Variants in PRKAG2 observed in about 807,000 individuals in gnomAD.
The protein encoded by PRKAG2 is 5'-AMP-activated protein kinase subunit gamma-2.
PRKAG2 carries 26 observed loss-of-function variants against 69.6 expected under a neutral mutation model. That is an observed-to-expected ratio of 0.37 (90% CI 0.27 to 0.52). The LOEUF (loss-of-function observed/expected upper bound fraction) is 0.52. Among genes scored for constraint, PRKAG2 ranks in the 20% least tolerant of loss-of-function variants. The pLI is 0.90. For missense variants in PRKAG2, 557 were observed against 740.0 expected, an observed-to-expected ratio of 0.75 and a Z score of 2.87; for synonymous variants, 293 against 285.0, an observed-to-expected ratio of 1.03 and a Z score of -0.28.
chr7:151,743,634 G>A (rs914361407), intron 3 of PRKAG2, among the ~76,000 whole-genome samples: 1 of 152,160 alleles, frequency 6.6e-6, no homozygotes, highest in Non-Finnish European at 1.5e-5. Flanking sequence ...AAAGCTCCCC[G>A]ATGACAGGTA....
chr7:151,841,256 G>A (rs559057618), intron 1 of PRKAG2, among the ~76,000 whole-genome samples: 1 of 152,212 alleles, frequency 6.6e-6, no homozygotes, highest in Non-Finnish European at 1.5e-5. Context: ...CCAAAGTTCT[G>A]GGATTACAGG....
chr7:151,795,178 C>T (rs983595836), intron 1 of PRKAG2, among the ~76,000 whole-genome samples: 52 of 152,218 alleles, frequency 3.4e-4, no homozygotes, highest in African/African-American at 1.0e-3. Context: ...GAGTGGGGGG[C>T]AGGGGCAGCA....
At chr7:151,809,254 T>C (rs1223422119) in intron 1 of PRKAG2, 1 of 456,438 alleles carries the variant, frequency 2.2e-6, no homozygotes, top group Non-Finnish European at 4.4e-6. Flanking sequence ...AACAGGTGAA[T>C]CCCTAGGCCA....
Position 151,752,241 on chromosome 7 carries a change from G to A in PRKAG2, c.466+28911C>T, listed in dbSNP as rs117629226. ...CAGCCATAAAAAAGAAAGAGATCAC[G>A]TCTTTTGAGGGAACATGGATGGAGC... is the stretch of plus-strand genomic sequence containing the variant. On this transcript the variant is annotated intron_variant, in intron 3 of 15. Coordinates refer to ENST00000287878, the MANE Select transcript of PRKAG2 (RefSeq NM_016203.4). Among the ~76,000 whole-genome samples the A allele has an allele frequency of 1.0e-3, 153 of 152,308 alleles. 3 individuals are homozygous for A. The East Asian group carries it at 0.028, about 28-fold the overall frequency.
intron 3 of PRKAG2, among the ~76,000 whole-genome samples, chr7:151,724,257 G>A (rs1466934874): frequency 2.6e-5 from 4 of 152,082 alleles, no homozygotes; most frequent in African/African-American, 7.2e-5. Flanking sequence ...TTGGTTTCTG[G>A]GCTCTTTCTG....
At chr7:151,621,863 C>T (rs547002711) in intron 5 of PRKAG2, among the ~76,000 whole-genome samples, 1 of 152,290 alleles carries the variant, frequency 6.6e-6, no homozygotes, top group South Asian at 2.1e-4. Context: ...GCGTGAACCA[C>T]CATGCCCGGC....
Position 151,631,682 on chromosome 7 carries a change from TA to T in PRKAG2, c.754+386del, listed in dbSNP as rs11361447. 7.1e-3 allele frequency: 3,259 copies of T among 457,994 alleles called. 73 individuals carry two copies. The highest frequency in any genetic ancestry group is 0.057 in the African/African-American group (2,851 of 50,222). 28.4% of individuals were successfully genotyped at this position (457,994 alleles called of 1,614,324 possible). ...GCAGATAAGGGCACCAGTCTATGAT[TA>T]AAGGGTCTGGACTGTGGGTATGATT... On this transcript the variant is annotated intron_variant, in intron 5 of 15. Coordinates refer to ENST00000287878, the MANE Select transcript of PRKAG2 (RefSeq NM_016203.4).
chr7:151,814,536 A>G lies in PRKAG2; in HGVS notation c.115-27995T>C, dbSNP rs1246015734. The G allele has an allele frequency of 4.1e-6, 5 of 1,231,536 alleles. No homozygotes were observed. The highest frequency in any genetic ancestry group is 5.1e-6 in the Non-Finnish European group (5 of 987,982). 76.3% of individuals were successfully genotyped at this position (1,231,536 alleles called of 1,614,324 possible). On this transcript the variant is annotated intron_variant, in intron 1 of 15. Transcript: ENST00000287878. The surrounding 1 kb of genome is among the most constrained non-coding windows in gnomAD (Gnocchi z 4.8). ...CGGGCGGCACTCCCAGCTCTGACAA[A>G]TCCTGCTGCCTCACTCGAAAGGTCC...
chr7:151,751,662 T>C (rs1443185367), intron 3 of PRKAG2, among the ~76,000 whole-genome samples: 1 of 148,476 alleles, frequency 6.7e-6, no homozygotes, highest in Non-Finnish European at 1.5e-5. Flanking sequence ...CATGTCTCCA[T>C]GCCCAGCTAT....
Position 151,814,332 on chromosome 7 carries a change from A to G in PRKAG2, c.115-27791T>C. On this transcript the variant is annotated intron_variant, in intron 1 of 15. Transcript: ENST00000287878. The surrounding 1 kb of genome is among the most constrained non-coding windows in gnomAD (Gnocchi z 4.8). The stretch of plus-strand genomic sequence containing the variant: ...ATCAGTCTTACACACCAAGGAGACA[A>G]AGCATCGTGAGGGGGAAAACCGCAC... The G allele has an allele frequency of 1.0e-6, 1 of 975,472 alleles. No individual in the cohort carries two copies. Among genetic ancestry groups the G allele is most frequent in the Non-Finnish European group, 1.3e-6 (1 of 772,832 alleles). 60.4% of individuals were successfully genotyped at this position (975,472 alleles called of 1,614,324 possible).
At chr7:151,801,617 C>T (rs556426930) in intron 1 of PRKAG2, among the ~76,000 whole-genome samples, 25 of 152,308 alleles carry the variant, frequency 1.6e-4, no homozygotes, top group African/African-American at 4.6e-4. Flanking sequence ...CTGCAAACCA[C>T]GGCGCTAATG....
At chr7:151,688,612 G>A (rs1835140449) in intron 3 of PRKAG2, among the ~76,000 whole-genome samples, 2 of 152,152 alleles carry the variant, frequency 1.3e-5, no homozygotes, top group South Asian at 2.1e-4. Context: ...CACTGTGCCC[G>A]GGATTCGGAC....
At chr7:151,741,883 G>A (rs1028018389) in intron 3 of PRKAG2, among the ~76,000 whole-genome samples, 2 of 152,126 alleles carry the variant, frequency 1.3e-5, no homozygotes, top group African/African-American at 4.8e-5. Context: ...AAATAATTCG[G>A]AGAAATTCCT....
chr7:151,596,381 A>C (rs962940966), intron 5 of PRKAG2, among the ~76,000 whole-genome samples: 6 of 152,248 alleles, frequency 3.9e-5, no homozygotes, highest in Admixed American at 3.3e-4. Context: ...CTACAAAAAA[A>C]CAAAATACTC....
At chr7:151,666,521 T>C (rs1036025942) in intron 4 of PRKAG2, among the ~76,000 whole-genome samples, 3 of 152,226 alleles carry the variant, frequency 2.0e-5, no homozygotes, top group African/African-American at 7.2e-5. Context: ...ACTAATATAG[T>C]ATCTCTTATG....
chr7:151,855,063 CCTCCA>C (rs2079685916), intron 1 of PRKAG2, among the ~76,000 whole-genome samples: 1 of 42,284 alleles, frequency 2.4e-5, no homozygotes, highest in African/African-American at 1.4e-4. Context: ...CACACACCAT[CCTCCA>C]CACACACCAT....
chr7:151,861,227 T>A (rs11766003), intron 1 of PRKAG2, among the ~76,000 whole-genome samples: 58,638 of 152,012 alleles, frequency 0.39, 12,549 homozygotes, highest in East Asian at 0.53. Context: ...TCGTTCAAAT[T>A]ACAATCAAAG....
At chr7:151,566,931 G>A (rs1806391847) in intron 11 of PRKAG2, among the ~76,000 whole-genome samples, 1 of 152,080 alleles carries the variant, frequency 6.6e-6, no homozygotes, top group African/African-American at 2.4e-5. Context: ...GAATATTCTG[G>A]TAGCATGATT....
At chr7:151,789,520 G>C (rs1430269335) in intron 1 of PRKAG2, among the ~76,000 whole-genome samples, 1 of 152,186 alleles carries the variant, frequency 6.6e-6, no homozygotes, top group East Asian at 1.9e-4. Flanking sequence ...TCTGCTTAAA[G>C]AGCAACCCCT....
Sources: gnomAD v4.1 joint callset for allele counts (sites outside exome capture counted in the v4.1 genomes callset) on GRCh38, gnomAD v4.1.1 for gene constraint, Gnocchi (gnomAD v3.1) non-coding constraint, MANE v1.5 for transcripts, NCBI Gene and HGNC (gene_info 2026-07-23, HGNC 2026-07-21) for gene names.